The following RAP1GAP2 variants were observed in gnomAD, a reference collection of about 807,000 sequenced individuals.
RAP1GAP2 encodes the protein rap1 GTPase-activating protein 2.
In RAP1GAP2, 27 loss-of-function variants were observed where a neutral mutation model predicts 95.0. The ratio of observed to expected loss-of-function variants is 0.28; its 90% CI spans 0.21 to 0.39. The LOEUF (loss-of-function observed/expected upper bound fraction) is 0.39, where lower values mean the gene tolerates loss of function less well. RAP1GAP2 is among the 10% of genes least tolerant of loss of function. The pLI is 1.00. For synonymous variants in RAP1GAP2, 373 were observed against 380.9 expected (o/e 0.98, Z 0.24); for missense variants, 771 against 970.0 (o/e 0.79, Z 2.72).
chr17:2,972,959 T>C (rs2044936397), intron 8 of RAP1GAP2, among the ~76,000 whole-genome samples: 1 of 152,208 alleles, frequency 6.6e-6, no homozygotes, highest in African/African-American at 2.4e-5. Context: ...CTTGTTTCTG[T>C]TCTCGGTCTT....
intron 2 of RAP1GAP2, among the ~76,000 whole-genome samples, chr17:2,821,123 T>G (rs1290174911): frequency 6.6e-6 from 1 of 152,038 alleles, no homozygotes; most frequent in Admixed American, 6.6e-5. Context: ...GATCGCTGTG[T>G]CTGAGCCTCC....
chr17:2,939,184 G>A (rs921028874), intron 3 of RAP1GAP2, among the ~76,000 whole-genome samples: 3 of 151,988 alleles, frequency 2.0e-5, no homozygotes, highest in Non-Finnish European at 4.4e-5. Context: ...TCTGCCTCCC[G>A]GGTTCAAGTG....
At chr17:2,756,917 G>A (rs1162559834) in intron 1 of RAP1GAP2, among the ~76,000 whole-genome samples, 2 of 152,158 alleles carry the variant, frequency 1.3e-5, no homozygotes, top group African/African-American at 4.8e-5. Flanking sequence ...TTGCTCAGGA[G>A]CTTAACTTTT....
chr17:2,979,912 G>A (rs796923736), intron 8 of RAP1GAP2, among the ~76,000 whole-genome samples: 13 of 151,708 alleles, frequency 8.6e-5, no homozygotes, highest in African/African-American at 2.7e-4. Context: ...CTGTGATCTC[G>A]GCCACCTTCC....
At chr17:2,832,557 CAAAAA>C (rs35663343) in intron 2 of RAP1GAP2, among the ~76,000 whole-genome samples, 2 of 76,756 alleles carry the variant, frequency 2.6e-5, no homozygotes, top group Admixed American at 1.6e-4. Flanking sequence ...GACTCCATCT[CAAAAA>C]AAAAAAAAAA....
chr17:3,024,763 C>T (rs74814045), intron 19 of RAP1GAP2, among the ~76,000 whole-genome samples: 76 of 152,346 alleles, frequency 5.0e-4, no homozygotes, highest in African/African-American at 1.8e-3. Flanking sequence ...CAAGCTACAA[C>T]ATAGACAGAC....
intron 1 of RAP1GAP2, among the ~76,000 whole-genome samples, chr17:2,766,078 AAG>A (rs1466585660): frequency 2.6e-5 from 4 of 152,176 alleles, no homozygotes; most frequent in African/African-American, 7.2e-5. Flanking sequence ...GGAGAGTGGA[AAG>A]AGGCCGGCGA....
At chr17:2,887,914 T>G (rs1422199542) in intron 2 of RAP1GAP2, among the ~76,000 whole-genome samples, 1 of 152,094 alleles carries the variant, frequency 6.6e-6, no homozygotes, top group African/African-American at 2.4e-5. Flanking sequence ...CCTCAGGTGA[T>G]CCTCCTGCCT....
At chr17:2,841,993 A>G (rs2151572165) in intron 2 of RAP1GAP2, among the ~76,000 whole-genome samples, 1 of 152,272 alleles carries the variant, frequency 6.6e-6, no homozygotes, top group South Asian at 2.1e-4. Flanking sequence ...TGTGGCGTGC[A>G]AGCCTCAACC....
intron 3 of RAP1GAP2, among the ~76,000 whole-genome samples, chr17:2,912,611 A>C (rs1269862284): frequency 6.6e-6 from 1 of 151,850 alleles, no homozygotes; most frequent in Non-Finnish European, 1.5e-5. Context: ...GAGAGGACAG[A>C]TATATATTCC....
rs1567655931 is a variant in RAP1GAP2 at position 2,797,088 on chromosome 17, C to A, written c.44+517C>A. ...CTGCGTGTTTGTGTGTGTGATGCTCCTGTCTGTGCTGTTGTTGTGGCCTTG... is the reference window on the plus strand; with the variant it reads ...CTGCGTGTTTGTGTGTGTGATGCTCATGTCTGTGCTGTTGTTGTGGCCTTG... On this transcript the variant is annotated intron_variant, in intron 1 of 24. Coordinates refer to ENST00000254695, the MANE Select transcript of RAP1GAP2 (RefSeq NM_015085.5). This position sits in a 1 kb window ranked among gnomAD's most constrained non-coding sequence, Gnocchi z 5.6. Among the ~76,000 whole-genome samples, 2 of 151,974 alleles carry A rather than the reference C, an allele frequency of 1.3e-5. No homozygotes were observed.
chr17:2,802,473 G>A (rs1363727302), intron 2 of RAP1GAP2, among the ~76,000 whole-genome samples: 17 of 152,130 alleles, frequency 1.1e-4, no homozygotes, highest in Admixed American at 1.1e-3. Context: ...ACTTTGGGAG[G>A]CCAAGGTGGG....
intron 2 of RAP1GAP2, among the ~76,000 whole-genome samples, chr17:2,858,240 A>G (rs1319587015): frequency 6.6e-6 from 1 of 152,214 alleles, no homozygotes; most frequent in African/African-American, 2.4e-5. Context: ...GACAGCTCCC[A>G]TCATGGAGTT....
chr17:2,804,278 C>T (rs191344446), intron 2 of RAP1GAP2, among the ~76,000 whole-genome samples: 167 of 152,314 alleles, frequency 1.1e-3, no homozygotes, highest in African/African-American at 3.7e-3. Flanking sequence ...CTGGCCTCAC[C>T]GTTATGAAGC....
intron 2 of RAP1GAP2, among the ~76,000 whole-genome samples, chr17:2,836,990 C>T (rs568140484): frequency 6.6e-6 from 1 of 152,260 alleles, no homozygotes; most frequent in East Asian, 1.9e-4. Flanking sequence ...GTGGCTCACA[C>T]CTGTCATCCC....
intron 19 of RAP1GAP2, among the ~76,000 whole-genome samples, chr17:3,021,430 CTTTTTTTTT>C (rs57099220): frequency 7.3e-5 from 7 of 95,742 alleles, no homozygotes; most frequent in Admixed American, 2.5e-4. Context: ...CGATATTTGT[CTTTTTTTTT>C]TTTTTTTTTT....
At chr17:2,800,053 C>T in intron 1 of RAP1GAP2, 1 of 381,648 alleles carries the variant, frequency 2.6e-6, no homozygotes, top group Non-Finnish European at 3.6e-6. Context: ...GCTGGGGATG[C>T]TTGCGTCTTC....
intron 11 of RAP1GAP2, among the ~76,000 whole-genome samples, chr17:2,988,965 A>G (rs565411671): frequency 1.8e-4 from 27 of 152,198 alleles, no homozygotes; most frequent in Middle Eastern, 3.4e-3. Flanking sequence ...AGGCTGAGGC[A>G]GGAGAATCGC....
chr17:2,995,011 C>T (rs983973445), intron 12 of RAP1GAP2, among the ~76,000 whole-genome samples: 13 of 152,194 alleles, frequency 8.5e-5, no homozygotes, highest in African/African-American at 3.1e-4. Context: ...ACGGGGGTTT[C>T]ACCATGTTGG....
Sources: allele counts gnomAD v4.1 joint callset (sites outside exome capture counted in the v4.1 genomes callset), GRCh38; gene constraint gnomAD v4.1.1; non-coding constraint Gnocchi (gnomAD v3.1); transcripts MANE v1.5; gene names NCBI Gene and HGNC (gene_info 2026-07-23, HGNC 2026-07-21).